Variants in RIGI observed in about 807,000 individuals in gnomAD.
The protein encoded by RIGI is antiviral innate immune response receptor RIG-I.
chr9:32,477,275 C>T, the RIGI span: 2 of 900,328 alleles, frequency 2.2e-6, no homozygotes, highest in Non-Finnish European at 3.3e-6. Flanking sequence ...TAAATTGGTA[C>T]AACCTTTTAA....
At chr9:32,498,363 T>C in the RIGI span, 791 of 456,670 alleles carry the variant, frequency 1.7e-3, 15 homozygotes, top group South Asian at 0.012. Flanking sequence ...GCTTACTGAA[T>C]ATTTGGTCAC....
At chr9:32,524,596 G>GTTTTGTTTTTTT in the RIGI span, among the ~76,000 whole-genome samples, 1 of 67,580 alleles carries the variant, frequency 1.5e-5, no homozygotes, top group East Asian at 4.0e-4. Flanking sequence ...TTGTTTTTCG[G>GTTTTGTTTTTTT]TTTTTTTTTT....
At chr9:32,488,790 C>A in the RIGI span, 7 of 1,613,324 alleles carry the variant, frequency 4.3e-6, no homozygotes, top group East Asian at 2.2e-5. Context: ...ACACTGGGAT[C>A]TGATTCGCAA....
chr9:32,455,964 C>CTCATCCCG, the RIGI span: 2 of 152,238 alleles, frequency 1.3e-5, no homozygotes, highest in Non-Finnish European at 2.9e-5. Flanking sequence ...GCTGTAACAC[C>CTCATCCCG]TCATCCCGTT....
the RIGI span, chr9:32,477,224 T>G: frequency 2.8e-6 from 4 of 1,452,792 alleles, no homozygotes; most frequent in Non-Finnish European, 2.8e-6. Context: ...AGCTGATCTC[T>G]AAATCTTTGA....
the RIGI span, chr9:32,457,353 C>G: frequency 1.9e-6 from 3 of 1,613,904 alleles, no homozygotes; most frequent in Non-Finnish European, 2.5e-6. Flanking sequence ...ACTGCTTTGG[C>G]TTGGGATGTG....
the RIGI span, chr9:32,476,988 C>T: frequency 9.9e-6 from 16 of 1,612,892 alleles, no homozygotes; most frequent in Admixed American, 2.7e-4. Context: ...CTTACGTCCA[C>T]AAGTGCTCTG....
the RIGI span, among the ~76,000 whole-genome samples, chr9:32,466,946 A>C: frequency 6.6e-6 from 1 of 152,210 alleles, no homozygotes; most frequent in African/African-American, 2.4e-5. Context: ...TGAGGAAATA[A>C]GATCTCTTCA....
At chr9:32,457,151 G>C in the RIGI span, 1 of 1,613,600 alleles carries the variant, frequency 6.2e-7, no homozygotes, top group South Asian at 1.1e-5. Context: ...GGATCAAATG[G>C]TATCTTCTCA....
chr9:32,477,963 A>C, the RIGI span, among the ~76,000 whole-genome samples: 1 of 152,130 alleles, frequency 6.6e-6, no homozygotes, highest in Non-Finnish European at 1.5e-5. Flanking sequence ...TATAGTTATA[A>C]AACAGGGGTG....
At chr9:32,458,574 T>G in the RIGI span, among the ~76,000 whole-genome samples, 2 of 152,232 alleles carry the variant, frequency 1.3e-5, no homozygotes, top group Non-Finnish European at 2.9e-5. Flanking sequence ...ACTTTTTTCC[T>G]TATTACCATT....
At chr9:32,492,325 G>C in the RIGI span, 1 of 1,573,388 alleles carries the variant, frequency 6.4e-7, no homozygotes, top group African/African-American at 1.4e-5. Flanking sequence ...CCTCTGATGG[G>C]ATGTAAAAGA....
chr9:32,474,378 T>C, the RIGI span, among the ~76,000 whole-genome samples: 1 of 152,112 alleles, frequency 6.6e-6, no homozygotes, highest in Non-Finnish European at 1.5e-5. Flanking sequence ...CCCTCAATGA[T>C]CTCCACCTTC....
chr9:32,508,677 T>C, the RIGI span, among the ~76,000 whole-genome samples: 1 of 151,932 alleles, frequency 6.6e-6, no homozygotes, highest in Non-Finnish European at 1.5e-5. Flanking sequence ...TGGGTGGCCA[T>C]TTGGGCAGAC....
the RIGI span, among the ~76,000 whole-genome samples, chr9:32,466,766 G>C: frequency 6.8e-6 from 1 of 147,996 alleles, no homozygotes; most frequent in Non-Finnish European, 1.5e-5. Flanking sequence ...GGAAAAACTA[G>C]GAGCCCACCT....
chr9:32,477,966 CAG>C, the RIGI span, among the ~76,000 whole-genome samples: 2 of 152,002 alleles, frequency 1.3e-5, no homozygotes, highest in African/African-American at 2.4e-5. Flanking sequence ...AGTTATAAAA[CAG>C]GGGTGTGTTA....
chr9:32,492,163 T>C, the RIGI span, among the ~76,000 whole-genome samples: 1 of 152,210 alleles, frequency 6.6e-6, no homozygotes, highest in African/African-American at 2.4e-5. Context: ...GATGGGCTAA[T>C]TCTGGATGAG....
At chr9:32,472,579 C>G in the RIGI span, among the ~76,000 whole-genome samples, 1 of 152,198 alleles carries the variant, frequency 6.6e-6, no homozygotes, top group African/African-American at 2.4e-5. Flanking sequence ...TTTTAAAAGA[C>G]GGCTTAGGCC....
the RIGI span, among the ~76,000 whole-genome samples, chr9:32,458,786 A>G: frequency 6.6e-6 from 1 of 152,128 alleles, no homozygotes; most frequent in African/African-American, 2.4e-5. Flanking sequence ...TAACATCAGT[A>G]CATTACTATT....
Sources: allele counts gnomAD v4.1 joint callset (sites outside exome capture counted in the v4.1 genomes callset), GRCh38; gene constraint gnomAD v4.1.1; transcripts MANE v1.5; gene names NCBI Gene and HGNC (gene_info 2026-07-23, HGNC 2026-07-21).